The following MTMR3 variants were observed in gnomAD, a reference collection of about 807,000 sequenced individuals.
MTMR3 encodes the protein phosphatidylinositol-3,5-bisphosphate 3-phosphatase MTMR3.
A neutral mutation model predicts 132.4 loss-of-function variants in MTMR3; 32 were observed. The observed-to-expected ratio is 0.24, with a 90% confidence interval of 0.18 to 0.32. The LOEUF is 0.32. Ranked by LOEUF, MTMR3 falls within the 10% of genes least tolerant of loss-of-function variation. The pLI is 1.00. For missense variants in MTMR3, 1,216 were observed against 1,489.6 expected, an observed-to-expected ratio of 0.82 and a Z score of 3.02; for synonymous variants, 556 against 550.3, an observed-to-expected ratio of 1.01 and a Z score of -0.14.
Position 29,919,704 on chromosome 22 carries a change from G to T in MTMR3, c.-138+36345G>T, listed in dbSNP as rs374833240. Among the ~76,000 whole-genome samples the T allele has an allele frequency of 7.9e-5, 12 of 151,398 alleles. No homozygotes were observed. The East Asian group carries it at 1.2e-3, about 15-fold the overall frequency. ...TGCCTAGCTAATAAAAAAAAAAAAA[G>T]TTTTGTAGAGATGGAGTCTCACTGT... On this transcript the variant is annotated intron_variant, in intron 1 of 19. Coordinates refer to ENST00000401950, the MANE Select transcript of MTMR3 (RefSeq NM_021090.4).
chr22:30,022,768 G>C (rs984875001), intron 19 of MTMR3, 71 bp downstream of exon 19: 1 of 1,321,338 alleles, frequency 7.6e-7, no homozygotes, highest in Admixed American at 1.9e-5. Context: ...AGCCTGCAGA[G>C]TAGAGGGTTG....
intron 1 of MTMR3, among the ~76,000 whole-genome samples, chr22:29,945,117 A>C (rs2065927349): frequency 6.6e-6 from 1 of 152,124 alleles, no homozygotes; most frequent in African/African-American, 2.4e-5. Context: ...GACTCGAGTG[A>C]TTCTCTAGCC....
intron 1 of MTMR3, among the ~76,000 whole-genome samples, chr22:29,920,978 T>A (rs1458049343): frequency 2.0e-5 from 1 of 49,364 alleles, no homozygotes; most frequent in African/African-American, 6.0e-5. Flanking sequence ...TTTTAGGGGG[T>A]GGTGGGGGTG....
chr22:30,006,686 TA>T (rs2067279848), intron 9 of MTMR3: 1 of 164,434 alleles, frequency 6.1e-6, no homozygotes, highest in Non-Finnish European at 1.3e-5. Flanking sequence ...GCCTCCTGAG[TA>T]GCTGCGACTA....
chr22:29,907,057 A>G (rs2092989754), intron 1 of MTMR3, among the ~76,000 whole-genome samples: 1 of 151,472 alleles, frequency 6.6e-6, no homozygotes, highest in African/African-American at 2.4e-5. Flanking sequence ...AGCCCAGGTG[A>G]CAGAGTGAGA....
At chr22:29,967,242 C>CGCG (rs1555908355) in intron 2 of MTMR3, among the ~76,000 whole-genome samples, 1 of 146,612 alleles carries the variant, frequency 6.8e-6, no homozygotes, top group African/African-American at 2.5e-5. Context: ...TGCATGCGCG[C>CGCG]GCGCGCGCAT....
rs1268788696 is a variant in MTMR3, at chr22:29,949,509, C to A, written c.-137-7527C>A. The stretch of plus-strand genomic sequence containing the variant: ...AGACTCTGTCCCCCGCGCCCCCCCC[C>A]AAAAAAAAAAAACAACACACGTACA... On this transcript the variant is annotated intron_variant, in intron 1 of 19. Transcript: ENST00000401950. Among the ~76,000 whole-genome samples, 299 of 124,542 alleles carry A rather than the reference C, an allele frequency of 2.4e-3. 4 individuals are homozygous for A. Among genetic ancestry groups the A allele is most frequent in the South Asian group, 3.0e-3 (11 of 3,680 alleles). 81.7% of individuals were successfully genotyped at this position (124,542 alleles called of 152,430 possible). A position where few individuals can be genotyped will look rare whatever the true frequency, so the allele number is the denominator to read the frequency against.
rs753691488 is a variant in MTMR3 at position 29,971,014 on chromosome 22, C to T, written c.-46C>T. On this transcript the variant is annotated 5_prime_UTR_variant, in exon 3 of 20. Coordinates refer to ENST00000401950, the MANE Select transcript of MTMR3 (RefSeq NM_021090.4). ...GGAAAGAAGAGAGCCTTGTTGGACA[C>T]TGAAGAAGGGACGGGGATTTCTCCT... is the stretch of plus-strand genomic sequence containing the variant. The T allele has an allele frequency of 6.5e-7, 1 of 1,540,528 alleles. No homozygotes were observed. The highest frequency in any genetic ancestry group is 8.8e-7 in the Non-Finnish European group (1 of 1,140,518).
At chr22:29,947,274 T>C (rs982573991) in intron 1 of MTMR3, among the ~76,000 whole-genome samples, 3 of 152,152 alleles carry the variant, frequency 2.0e-5, no homozygotes, top group African/African-American at 7.2e-5. Flanking sequence ...ACTTTGGAAA[T>C]GTAATATTAT....
chr22:29,926,660 G>GTACT (rs2065523419), intron 1 of MTMR3, among the ~76,000 whole-genome samples: 1 of 152,036 alleles, frequency 6.6e-6, no homozygotes, highest in African/African-American at 2.4e-5. Flanking sequence ...CATCTTTTGT[G>GTACT]TACTTATTGG....
At chr22:30,005,862 C>T (rs1569045787) in intron 9 of MTMR3, 1 of 152,192 alleles carries the variant, frequency 6.6e-6, no homozygotes, top group East Asian at 1.9e-4. Flanking sequence ...GCTAGTAAAA[C>T]ATAGAGTGCT....
chr22:29,958,267 T>C (rs1035412943), intron 2 of MTMR3, among the ~76,000 whole-genome samples: 3 of 152,174 alleles, frequency 2.0e-5, no homozygotes, highest in African/African-American at 7.2e-5. Context: ...GCCACCTGTT[T>C]AGGGAACTGT....
intron 1 of MTMR3, among the ~76,000 whole-genome samples, chr22:29,938,579 C>T (rs982899009): frequency 2.0e-5 from 3 of 151,810 alleles, no homozygotes; most frequent in Non-Finnish European, 4.4e-5. Flanking sequence ...AAATTCTTTT[C>T]TTCTTTTCCA....
chr22:29,906,928 A>G (rs79629600), intron 1 of MTMR3, among the ~76,000 whole-genome samples: 2,321 of 151,916 alleles, frequency 0.015, 66 homozygotes, highest in African/African-American at 0.053. Flanking sequence ...AAACACAAAA[A>G]TTAGCCGGGC....
chr22:29,950,672 TTTC>T (rs1294201818), intron 1 of MTMR3, among the ~76,000 whole-genome samples: 1 of 150,456 alleles, frequency 6.6e-6, no homozygotes, highest in African/African-American at 2.4e-5. Context: ...GCTGGGAACA[TTTC>T]TTTCAGATGG....
intron 1 of MTMR3, among the ~76,000 whole-genome samples, chr22:29,939,328 A>G (rs1296281660): frequency 6.6e-6 from 1 of 152,210 alleles, no homozygotes; most frequent in Non-Finnish European, 1.5e-5. Flanking sequence ...CCGTGGGGCC[A>G]AAAGATGGGA....
chr22:29,906,607 A>C (rs1036465208), intron 1 of MTMR3, among the ~76,000 whole-genome samples: 1 of 151,330 alleles, frequency 6.6e-6, no homozygotes, highest in Non-Finnish European at 1.5e-5. Context: ...AAGTGCTGGG[A>C]TTATAGGGAT....
chr22:29,941,999 AAAAC>A (rs934147710), intron 1 of MTMR3, among the ~76,000 whole-genome samples: 9 of 152,228 alleles, frequency 5.9e-5, no homozygotes, highest in African/African-American at 1.9e-4. Context: ...AGAAAAAACA[AAAAC>A]AAAAACGGTA....
intron 1 of MTMR3, among the ~76,000 whole-genome samples, chr22:29,930,666 T>G (rs2145789115): frequency 6.6e-6 from 1 of 152,296 alleles, no homozygotes; most frequent in Non-Finnish European, 1.5e-5. Flanking sequence ...CACTCCAGCC[T>G]GGGCTACAGA....
Sources: allele counts gnomAD v4.1 joint callset (sites outside exome capture counted in the v4.1 genomes callset), GRCh38; gene constraint gnomAD v4.1.1; transcripts MANE v1.5; gene names NCBI Gene and HGNC (gene_info 2026-07-23, HGNC 2026-07-21).